Variants in DIAPH3 observed in about 807,000 individuals in gnomAD.
DIAPH3 encodes the protein protein diaphanous homolog 3.
DIAPH3 carries 117 observed loss-of-function variants against 144.3 expected under a neutral mutation model. The ratio of observed to expected loss-of-function variants is 0.81; its 90% CI spans 0.70 to 0.95. The LOEUF is 0.95. DIAPH3 is among the 40% of genes least tolerant of loss of function. DIAPH3 has a pLI of 0.00. For missense variants in DIAPH3, 1,421 were observed against 1,412.7 expected (o/e 1.01, Z -0.09); for synonymous variants, 519 against 488.9 (o/e 1.06, Z -0.81).
intron 20 of DIAPH3, among the ~76,000 whole-genome samples, chr13:59,890,071 T>G (rs917099825): frequency 3.9e-5 from 6 of 152,114 alleles, no homozygotes; most frequent in African/African-American, 1.4e-4. Flanking sequence ...AAGCTGAACC[T>G]CTAGTATCTC....
intron 2 of DIAPH3, among the ~76,000 whole-genome samples, chr13:60,113,474 G>T (rs900812280): frequency 1.3e-5 from 2 of 152,152 alleles, no homozygotes; most frequent in Non-Finnish European, 2.9e-5. Flanking sequence ...TGAAGATAAT[G>T]TCTAGGAAAA....
intron 24 of DIAPH3, among the ~76,000 whole-genome samples, chr13:59,822,798 A>T: frequency 1.3e-5 from 2 of 152,106 alleles, no homozygotes; most frequent in Non-Finnish European, 2.9e-5. Flanking sequence ...GTTAACATGT[A>T]TCCTCTCCTT....
At chr13:60,118,147 C>A (rs1219778363) in intron 2 of DIAPH3, among the ~76,000 whole-genome samples, 1 of 151,898 alleles carries the variant, frequency 6.6e-6, no homozygotes, top group Non-Finnish European at 1.5e-5. Flanking sequence ...AAATGAGCAC[C>A]CTACTGAGTA....
At chr13:59,851,172 T>C (rs191802078) in intron 22 of DIAPH3, among the ~76,000 whole-genome samples, 6 of 152,246 alleles carry the variant, frequency 3.9e-5, no homozygotes, top group Non-Finnish European at 8.8e-5. Flanking sequence ...AAAAAGCTTA[T>C]CCACCATGAT....
At chr13:59,786,381 T>G (rs945676234) in intron 25 of DIAPH3, among the ~76,000 whole-genome samples, 4 of 152,176 alleles carry the variant, frequency 2.6e-5, no homozygotes, top group Non-Finnish European at 5.9e-5. Context: ...AAACTATGAT[T>G]GAATTTTAAC....
chr13:59,832,920 G>A lies in DIAPH3; in HGVS notation c.3027+187C>T, dbSNP rs341514. On this transcript the variant is annotated intron_variant, in intron 24 of 27. Transcript: ENST00000400324. The stretch of plus-strand genomic sequence containing the variant: ...TCAAAATGTCTGATTACAGCTTAAT[G>A]TTGGAAAGGCCAAAAGGAGAACAAA... 370,949 of 585,234 alleles carry A rather than the reference G, an allele frequency of 0.63. 119,056 individuals are homozygous for A. Among genetic ancestry groups the A allele is most frequent in the East Asian group, 0.69 (22,976 of 33,170 alleles). The allele number at this position is 585,234 out of a possible 1,614,324, so 36.3% of individuals were successfully genotyped here.
intron 22 of DIAPH3, among the ~76,000 whole-genome samples, chr13:59,856,598 T>G (rs1719315361): frequency 6.6e-6 from 1 of 152,196 alleles, no homozygotes; most frequent in South Asian, 2.1e-4. Context: ...CCTCTTCTTA[T>G]AAGGACACAG....
chr13:59,774,865 T>C, intron 25 of DIAPH3, 42 bp from the exon 26 acceptor site: 7 of 1,533,070 alleles, frequency 4.6e-6, no homozygotes, highest in Non-Finnish European at 6.3e-6. Context: ...CCCTCAGGGT[T>C]ACCATAGCAA....
chr13:60,104,637 T>C (rs570080183), intron 3 of DIAPH3, among the ~76,000 whole-genome samples: 9 of 152,016 alleles, frequency 5.9e-5, no homozygotes, highest in South Asian at 4.2e-4. Flanking sequence ...TTCTTTCATA[T>C]ACTGTAAATT....
intron 27 of DIAPH3, among the ~76,000 whole-genome samples, chr13:59,681,351 C>A (rs1404612212): frequency 6.6e-6 from 1 of 152,098 alleles, no homozygotes; most frequent in African/African-American, 2.4e-5. Flanking sequence ...GTGGCACACA[C>A]CTGTAGTCCT....
intron 12 of DIAPH3, among the ~76,000 whole-genome samples, chr13:59,989,882 T>C (rs1341781429): frequency 6.6e-6 from 1 of 151,854 alleles, no homozygotes; most frequent in East Asian, 1.9e-4. Flanking sequence ...AATTCTTGGG[T>C]ACTCAAACAG....
At chr13:59,810,070 T>C (rs1455827856) in intron 25 of DIAPH3, among the ~76,000 whole-genome samples, 1 of 152,092 alleles carries the variant, frequency 6.6e-6, no homozygotes, top group East Asian at 1.9e-4. Flanking sequence ...TCAGTACCAG[T>C]CTCTAAAAGA....
At chr13:60,087,781 A>G (rs1484920115) in intron 4 of DIAPH3, among the ~76,000 whole-genome samples, 2 of 107,718 alleles carry the variant, frequency 1.9e-5, no homozygotes, top group Non-Finnish European at 4.1e-5. Context: ...CTTGATCCAA[A>G]ATATCAAAAA....
chr13:59,949,014 G>A (rs2048957319), intron 17 of DIAPH3, among the ~76,000 whole-genome samples: 1 of 152,150 alleles, frequency 6.6e-6, no homozygotes, highest in African/African-American at 2.4e-5. Context: ...AATAAACTGA[G>A]CAGAGATGGT....
At chr13:60,041,328 T>A (rs1482680782) in intron 5 of DIAPH3, among the ~76,000 whole-genome samples, 2 of 152,208 alleles carry the variant, frequency 1.3e-5, no homozygotes, top group African/African-American at 4.8e-5. Flanking sequence ...ATTTCCTACA[T>A]GCTAAACAGC....
intron 17 of DIAPH3, among the ~76,000 whole-genome samples, chr13:59,939,703 G>C (rs2048430015): frequency 6.6e-6 from 1 of 152,146 alleles, no homozygotes; most frequent in African/African-American, 2.4e-5. Flanking sequence ...AGTTAACAAT[G>C]AAATGGCTCT....
chr13:59,988,127 G>T (rs1000408074), intron 12 of DIAPH3, among the ~76,000 whole-genome samples: 1 of 151,790 alleles, frequency 6.6e-6, no homozygotes, highest in Admixed American at 6.6e-5. Flanking sequence ...CTTAACACTA[G>T]CAAAGATGAC....
chr13:59,820,282 T>A lies in DIAPH3; in HGVS notation c.3028-9359A>T, dbSNP rs980820820. Among the ~76,000 whole-genome samples, 8 of 151,972 alleles carry A rather than the reference T, an allele frequency of 5.3e-5. No homozygotes were observed. In the South Asian group the frequency reaches 6.2e-4, roughly 12 times the overall value. ...CTGAGCTGATCAGGAGTAAAATGGT[T>A]GCATCCAATACAAGCTGCATCACTT... On this transcript the variant is annotated intron_variant, in intron 24 of 27. Transcript: ENST00000400324.
chr13:59,888,578 A>C (rs1694901465), intron 20 of DIAPH3, among the ~76,000 whole-genome samples: 1 of 152,120 alleles, frequency 6.6e-6, no homozygotes. Context: ...TTAATGTATC[A>C]ATCTAATTGG....
Sources: allele counts gnomAD v4.1 joint callset (sites outside exome capture counted in the v4.1 genomes callset), GRCh38; gene constraint gnomAD v4.1.1; transcripts MANE v1.5; gene names NCBI Gene and HGNC (gene_info 2026-07-23, HGNC 2026-07-21).